The following TBXAS1 variants were observed in gnomAD, a reference collection of about 807,000 sequenced individuals.
TBXAS1 encodes the protein thromboxane-A synthase.
A neutral mutation model predicts 60.7 loss-of-function variants in TBXAS1; 48 were observed. The observed-to-expected ratio is 0.79, with a 90% confidence interval of 0.63 to 1.01. The LOEUF is 1.01. Ranked by LOEUF, TBXAS1 falls within the 50% of genes least tolerant of loss-of-function variation. The pLI, the probability that TBXAS1 is intolerant of heterozygous loss-of-function variation, is 0.00. For synonymous variants in TBXAS1, 287 were observed against 269.7 expected, an observed-to-expected ratio of 1.06 and a Z score of -0.63; for missense variants, 685 against 686.3, an observed-to-expected ratio of 1.00 and a Z score of 0.02.
intron 3 of TBXAS1, among the ~76,000 whole-genome samples, chr7:139,879,334 G>A (rs1584751053): frequency 1.3e-5 from 2 of 152,278 alleles, no homozygotes; most frequent in South Asian, 4.2e-4. Flanking sequence ...TGTAAAGCAG[G>A]AGGACTGGCG....
intron 3 of TBXAS1, among the ~76,000 whole-genome samples, chr7:139,885,592 T>C (rs941534058): frequency 1.3e-5 from 2 of 152,202 alleles, no homozygotes; most frequent in African/African-American, 4.8e-5. Context: ...TGATTGAGAA[T>C]GCAAATAGCA....
chr7:139,936,599 C>T (rs1194938041), intron 5 of TBXAS1, among the ~76,000 whole-genome samples: 1 of 152,114 alleles, frequency 6.6e-6, no homozygotes, highest in Non-Finnish European at 1.5e-5. Context: ...CTTTGGGGGC[C>T]CCAGGAGACA....
At chr7:139,947,447 G>T (rs1246305405) in intron 5 of TBXAS1, among the ~76,000 whole-genome samples, 1 of 152,134 alleles carries the variant, frequency 6.6e-6, no homozygotes, top group Non-Finnish European at 1.5e-5. Flanking sequence ...AGGATAAATA[G>T]CTAATGCCTA....
chr7:139,858,048 C>T (rs1462602349), intron 1 of TBXAS1, among the ~76,000 whole-genome samples: 1 of 152,112 alleles, frequency 6.6e-6, no homozygotes, highest in East Asian at 1.9e-4. Context: ...GCTGAATTTT[C>T]TTGGGGGTGG....
intron 1 of TBXAS1, among the ~76,000 whole-genome samples, chr7:139,860,149 C>T (rs976234705): frequency 6.6e-6 from 1 of 152,108 alleles, no homozygotes; most frequent in Non-Finnish European, 1.5e-5. Context: ...ACAACAACAA[C>T]AAAACTAAAG....
At chr7:139,873,004 C>G (rs1363651780) in intron 2 of TBXAS1, among the ~76,000 whole-genome samples, 3 of 152,130 alleles carry the variant, frequency 2.0e-5, no homozygotes, top group African/African-American at 7.2e-5. Context: ...TGAGATACAC[C>G]CTAGCACTAA....
chr7:139,787,490 A>G (rs1320611701), intron 4 of TBXAS1: 2 of 152,212 alleles, frequency 1.3e-5, no homozygotes, highest in Non-Finnish European at 2.9e-5. Context: ...CATTCATTAC[A>G]AACTTCTGGA....
chr7:139,948,326 G>T (rs1008873902), intron 5 of TBXAS1, among the ~76,000 whole-genome samples: 2 of 152,146 alleles, frequency 1.3e-5, no homozygotes, highest in African/African-American at 2.4e-5. Flanking sequence ...GAATAAGCAT[G>T]AGTGCTCTGG....
Position 139,962,671 on chromosome 7 carries a change from G to T in TBXAS1, c.1134+438G>T, listed in dbSNP as rs76825933. On this transcript the variant is annotated intron_variant, in intron 9 of 12. Transcript: ENST00000448866. Reference sequence around the variant, plus strand: ...AAAAGGACAGGCCAAGCTGAAGCTGGACTGAAGACTGGAAGCTGAGGAGGA... The same window carrying T: ...AAAAGGACAGGCCAAGCTGAAGCTGTACTGAAGACTGGAAGCTGAGGAGGA... The T allele has an allele frequency of 7.3e-3, 1,661 of 227,550 alleles. 33 individuals carry two copies. The highest frequency in any genetic ancestry group is 0.036 in the African/African-American group (1,565 of 43,210). 14.1% of individuals were successfully genotyped at this position (227,550 alleles called of 1,614,324 possible).
rs140326108 is a variant in TBXAS1, at chr7:139,895,192, C to T, written c.237-16033C>T. 1.1e-3 allele frequency among the ~76,000 whole-genome samples: 163 copies of T among 152,216 alleles called. 1 individual carries two copies. The highest frequency in any genetic ancestry group is 3.7e-3 in the African/African-American group (154 of 41,546). ...AGAATGTTCCACTCAGTAAAAACAG[C>T]CAGAGAAAAGCCCTTGAGGTGGGAA... On this transcript the variant is annotated intron_variant, in intron 3 of 12. Coordinates refer to ENST00000448866, the MANE Select transcript of TBXAS1 (RefSeq NM_001061.7).
At chr7:139,890,926 G>C (rs1466940029) in intron 3 of TBXAS1, among the ~76,000 whole-genome samples, 1 of 151,368 alleles carries the variant, frequency 6.6e-6, no homozygotes, top group Non-Finnish European at 1.5e-5. Flanking sequence ...CTTGCAAATT[G>C]TGCATTATCA....
intron 4 of TBXAS1, among the ~76,000 whole-genome samples, chr7:139,798,261 G>A (rs1407936613): frequency 6.6e-6 from 1 of 152,074 alleles, no homozygotes; most frequent in African/African-American, 2.4e-5. Flanking sequence ...AGGAAGAGAA[G>A]AAAACACGAA....
At chr7:139,911,602 G>A (rs1195537136) in intron 4 of TBXAS1, among the ~76,000 whole-genome samples, 1 of 152,220 alleles carries the variant, frequency 6.6e-6, no homozygotes, top group African/African-American at 2.4e-5. Flanking sequence ...CTAAAGCTGG[G>A]TTCAAAGCCG....
chr7:139,984,282 T>G (rs1294388660), intron 9 of TBXAS1, among the ~76,000 whole-genome samples: 1 of 152,196 alleles, frequency 6.6e-6, no homozygotes. Flanking sequence ...TTTTTTATTT[T>G]GCTACTTTGT....
At chr7:139,862,596 C>T (rs1365191832) in intron 1 of TBXAS1, among the ~76,000 whole-genome samples, 1 of 152,060 alleles carries the variant, frequency 6.6e-6, no homozygotes, top group African/African-American at 2.4e-5. Context: ...ATGGCCAAAT[C>T]CAAGGAGTTT....
Position 139,957,687 on chromosome 7 carries a change from C to T in TBXAS1, c.742C>T (p.Arg248Ter), listed in dbSNP as rs200644306. The change falls in exon 8 of 13, where the codon CGA (arginine) becomes TGA (stop). Residue 248 changes from arginine to a stop codon, truncating the protein, a stop_gained. Transcript: ENST00000448866. LOFTEE classifies it high-confidence loss of function. ...PLARILPNKN[R>*]DELNGFFNKL... The stretch of plus-strand genomic sequence containing the variant: ...GGCCCGGATTTTGCCCAATAAGAAC[C>T]GAGACGAACTGAATGGCTTTTTTAA... The T allele has an allele frequency of 3.0e-5, 48 of 1,613,988 alleles. No homozygotes were observed. Among genetic ancestry groups the T allele is most frequent in the Admixed American group, 5.0e-5 (3 of 59,994 alleles).
In TBXAS1 at chr7:139,961,951, T is replaced by G; in HGVS notation, c.852T>G (p.Asp284Glu). 1 of 1,614,266 alleles carries G rather than the reference T, an allele frequency of 6.2e-7. No homozygotes were observed. Among genetic ancestry groups the G allele is most frequent in the Non-Finnish European group, 8.5e-7 (1 of 1,180,044 alleles). ...GAGACTTCCTCCAAATGGTCCTGGA[T>G]GCCCGACATTCTGCAAGTCCCATGG... Reference protein sequence around the residue: ...RRRDFLQMVLDARHSASPMGV... With the variant: ...RRRDFLQMVLEARHSASPMGV... Residue 284 changes from aspartate (D) to glutamate (E), a missense_variant, in exon 9 of 13, where the codon GAT becomes GAG. Coordinates refer to ENST00000448866, the MANE Select transcript of TBXAS1 (RefSeq NM_001061.7).
At chr7:139,980,148 A>T (rs1234476304) in intron 9 of TBXAS1, among the ~76,000 whole-genome samples, 1 of 152,178 alleles carries the variant, frequency 6.6e-6, no homozygotes, top group African/African-American at 2.4e-5. Context: ...TTCTGCTGAT[A>T]TGAGCCATAA....
At chr7:139,782,918 A>G (rs1255581263) in intron 3 of TBXAS1, among the ~76,000 whole-genome samples, 2 of 152,130 alleles carry the variant, frequency 1.3e-5, no homozygotes, top group Non-Finnish European at 2.9e-5. Context: ...TTAACAAGTC[A>G]TAATAGAGAC....
Sources: gnomAD v4.1 joint callset for allele counts (sites outside exome capture counted in the v4.1 genomes callset) on GRCh38, gnomAD v4.1.1 for gene constraint, MANE v1.5 for transcripts, NCBI Gene and HGNC (gene_info 2026-07-23, HGNC 2026-07-21) for gene names.